SIK3: variants seen among roughly 807,000 people sequenced by gnomAD.
The protein encoded by SIK3 is SIK family kinase 3, also known as serine/threonine-protein kinase SIK3.
In SIK3, 28 loss-of-function variants were observed where a neutral mutation model predicts 144.2. The observed-to-expected ratio is 0.19, with a 90% CI of 0.14 to 0.27. SIK3 has a LOEUF of 0.27. Among genes scored for constraint, SIK3 ranks in the 10% least tolerant of loss-of-function variants. SIK3 has a pLI of 1.00. For synonymous variants in SIK3, 686 were observed against 676.3 expected (o/e 1.01, Z -0.22); for missense variants, 1,319 against 1,776.0 (o/e 0.74, Z 4.62).
chr11:116,983,640 C>T (rs1343594644), intron 1 of SIK3, among the ~76,000 whole-genome samples: 3 of 152,168 alleles, frequency 2.0e-5, no homozygotes, highest in Non-Finnish European at 1.5e-5. Flanking sequence ...TAACATACTT[C>T]CTATAAAGCA....
intron 3 of SIK3, among the ~76,000 whole-genome samples, chr11:116,953,638 C>T (rs773273204): frequency 1.3e-5 from 2 of 152,176 alleles, no homozygotes; most frequent in African/African-American, 2.4e-5. Flanking sequence ...GTTTAAGGAA[C>T]GCACTCGGGT....
intron 1 of SIK3, among the ~76,000 whole-genome samples, chr11:117,022,950 T>C (rs1951838313): frequency 6.6e-6 from 1 of 152,162 alleles, no homozygotes; most frequent in Admixed American, 6.5e-5. Context: ...AATACATAAC[T>C]GGATCTATTT....
chr11:117,057,129 AAACTT>A (rs1181140307), intron 1 of SIK3, among the ~76,000 whole-genome samples: 1 of 152,238 alleles, frequency 6.6e-6, no homozygotes, highest in Non-Finnish European at 1.5e-5. Flanking sequence ...AATTTTTAAA[AAACTT>A]AGATAATACT....
At chr11:116,955,574 A>G (rs1190401912) in intron 2 of SIK3, among the ~76,000 whole-genome samples, 2 of 152,192 alleles carry the variant, frequency 1.3e-5, no homozygotes, top group South Asian at 2.1e-4. Context: ...GGTAATAGCT[A>G]TAAGTCAACC....
intron 1 of SIK3, among the ~76,000 whole-genome samples, chr11:117,065,346 G>A (rs924979102): frequency 2.0e-5 from 3 of 151,804 alleles, no homozygotes; most frequent in Non-Finnish European, 4.4e-5. Flanking sequence ...ATTTTAAACA[G>A]TAAAATTAAA....
chr11:117,061,645 T>C (rs1296920176), intron 1 of SIK3, among the ~76,000 whole-genome samples: 5 of 152,198 alleles, frequency 3.3e-5, no homozygotes, highest in African/African-American at 1.2e-4. Context: ...TGGGAGCTTG[T>C]CAAAATGCAG....
chr11:116,933,635 C>CCTCT (rs144913929), intron 3 of SIK3, among the ~76,000 whole-genome samples: 101 of 148,706 alleles, frequency 6.8e-4, no homozygotes, highest in Middle Eastern at 3.4e-3. Flanking sequence ...TTTCTTCCTT[C>CCTCT]CTCTCTCTCT....
chr11:117,068,920 G>C (rs1366844470), intron 1 of SIK3, among the ~76,000 whole-genome samples: 1 of 152,128 alleles, frequency 6.6e-6, no homozygotes, highest in African/African-American at 2.4e-5. Flanking sequence ...CTATAAGGAG[G>C]AAGAGCCTTA....
chr11:117,093,246 C>T lies in SIK3; in HGVS notation c.273+4897G>A, dbSNP rs1237739886. Among the ~76,000 whole-genome samples, 5 of 152,328 alleles carry T rather than the reference C, an allele frequency of 3.3e-5. No individual in the cohort carries two copies. In the South Asian group the frequency reaches 6.2e-4, roughly 19 times the overall value. On this transcript the variant is annotated intron_variant, in intron 1 of 24. Coordinates refer to ENST00000445177, the MANE Select transcript of SIK3 (RefSeq NM_001366686.3). ...ATGGGTGAAAGCATCATCTCATGTG[C>T]TTCGTTAAACTCTTCTTTAGAGGTG...
rs551175505 is a variant in SIK3, at chr11:116,947,060, C to T, written c.454+6984G>A. Among the ~76,000 whole-genome samples the T allele has an allele frequency of 2.2e-5, 3 of 134,394 alleles. No individual in the cohort carries two copies. The East Asian group carries it at 6.3e-4, about 28-fold the overall frequency. 88.2% of individuals were successfully genotyped at this position (134,394 alleles called of 152,430 possible). A position where few individuals can be genotyped will look rare whatever the true frequency, so the allele number is the denominator to read the frequency against. On this transcript the variant is annotated intron_variant, in intron 3 of 24. Coordinates refer to ENST00000445177, the MANE Select transcript of SIK3 (RefSeq NM_001366686.3). ...CTGGGACGTGGAGCTTGCAGTGAGC[C>T]GAGATTGCGCCACTGCACTCCAGCA...
rs369358544 is a variant in SIK3, at chr11:117,016,344, AGGAGGGAG to A, written c.274-59288_274-59281del. On this transcript the variant is annotated intron_variant, in intron 1 of 24. Transcript: ENST00000445177. ...CTGCGAAAAAAAAAGGAAGGAAGGA[AGGAGGGAG>A]GGAGGGAGGGAGGGAAGGAGAGGGA... Among the ~76,000 whole-genome samples the A allele has an allele frequency of 1.9e-3, 191 of 98,648 alleles. 3 individuals carry two copies. The East Asian group carries it at 0.048, about 25-fold the overall frequency. The allele number at this position is 98,648 out of a possible 152,430, so 64.7% of individuals were successfully genotyped here. A position where few individuals can be genotyped will look rare whatever the true frequency, so the allele number is the denominator to read the frequency against.
At chr11:117,017,890 GTATAGCATTATTAATATACTAT>G (rs1362428507) in intron 1 of SIK3, among the ~76,000 whole-genome samples, 3 of 152,140 alleles carry the variant, frequency 2.0e-5, no homozygotes, top group Non-Finnish European at 4.4e-5. Flanking sequence ...AGTACCAAAT[GTATAGCATTATTAATATACTAT>G]TACATGACAT....
chr11:116,959,423 G>C (rs1334684966), intron 1 of SIK3, among the ~76,000 whole-genome samples: 3 of 152,196 alleles, frequency 2.0e-5, no homozygotes, highest in African/African-American at 7.2e-5. Flanking sequence ...TGTGCAAAAG[G>C]TGGGAAGAAC....
At chr11:116,978,120 A>G (rs1270915040) in intron 1 of SIK3, among the ~76,000 whole-genome samples, 1 of 152,084 alleles carries the variant, frequency 6.6e-6, no homozygotes, top group East Asian at 1.9e-4. Context: ...CAGGAGGCTG[A>G]GGCAGGAGAA....
chr11:117,025,286 T>C (rs1951962538), intron 1 of SIK3, among the ~76,000 whole-genome samples: 1 of 151,922 alleles, frequency 6.6e-6, no homozygotes, highest in Non-Finnish European at 1.5e-5. Context: ...CTGATACCCA[T>C]AAAAGTAAAA....
In SIK3 at chr11:116,844,635, T is replaced by TATTATATATTATATATATAATATA; in HGVS notation, c.*1007_*1008insTATATTATATATATAATATATAAT. 3.0e-3 allele frequency: 29 copies of TATTATATATTATATATATAATATA among 9,686 alleles called. No homozygotes were observed. Among genetic ancestry groups the TATTATATATTATATATATAATATA allele is most frequent in the African/African-American group, 0.029 (29 of 992 alleles). The allele number at this position is 9,686 out of a possible 1,614,324, so 0.6% of individuals were successfully genotyped here. A position where few individuals can be genotyped will look rare whatever the true frequency, so the allele number is the denominator to read the frequency against. ...ATATATATAATATATATATAATATA[T>TATTATATATTATATATATAATATA]TATATTATATATTATATATATAATA... On this transcript the variant is annotated 3_prime_UTR_variant, in exon 25 of 25. Coordinates refer to ENST00000445177, the MANE Select transcript of SIK3 (RefSeq NM_001366686.3).
chr11:116,853,299 C>G (rs1182973286), intron 21 of SIK3, among the ~76,000 whole-genome samples: 1 of 152,156 alleles, frequency 6.6e-6, no homozygotes, highest in Non-Finnish European at 1.5e-5. Context: ...ACAGACTAAC[C>G]CACTGCCCAA....
chr11:116,845,564 GGCACAAC>G lies in SIK3; in HGVS notation c.*72_*78del, dbSNP rs1941873374. ...GTGGAGAGAAACACAAGGGCAATTT[GGCACAAC>G]GCTGCTAGATACTGTGGGTTTACAA... On this transcript the variant is annotated 3_prime_UTR_variant, in exon 25 of 25. Coordinates refer to ENST00000445177, the MANE Select transcript of SIK3 (RefSeq NM_001366686.3). 6.6e-6 allele frequency: 1 copy of G among 152,214 alleles called. No individual in the cohort carries two copies. Among genetic ancestry groups the G allele is most frequent in the South Asian group, 2.1e-4 (1 of 4,830 alleles). 9.4% of individuals were successfully genotyped at this position (152,214 alleles called of 1,614,324 possible).
At chr11:116,906,224 G>A (rs1037879242) in intron 4 of SIK3, among the ~76,000 whole-genome samples, 3 of 152,224 alleles carry the variant, frequency 2.0e-5, no homozygotes, top group South Asian at 2.1e-4. Flanking sequence ...GTTCTGAAAG[G>A]AGCGGACAGT....
Sources: gnomAD v4.1 joint callset for allele counts (sites outside exome capture counted in the v4.1 genomes callset) on GRCh38, gnomAD v4.1.1 for gene constraint, MANE v1.5 for transcripts, NCBI Gene and HGNC (gene_info 2026-07-23, HGNC 2026-07-21) for gene names.